The following CYYR1 variants were observed in gnomAD, a reference collection of about 807,000 sequenced individuals.
The protein encoded by CYYR1 is cysteine and tyrosine rich 1, also known as cysteine and tyrosine-rich protein 1.
In CYYR1, 14 loss-of-function variants were observed where a neutral mutation model predicts 15.2. The observed-to-expected ratio is 0.92, with a 90% confidence interval of 0.61 to 1.44. The LOEUF (loss-of-function observed/expected upper bound fraction) is 1.44, where lower values mean the gene tolerates loss of function less well. CYYR1 is among the 40% of genes most tolerant of loss of function. The pLI is 0.00. For missense variants in CYYR1, 228 were observed against 209.5 expected, an observed-to-expected ratio of 1.09 and a Z score of -0.54; for synonymous variants, 80 against 77.4, an observed-to-expected ratio of 1.03 and a Z score of -0.18.
At chr21:26,560,126 AT>A (rs1980096988) in intron 2 of CYYR1, among the ~76,000 whole-genome samples, 1 of 152,062 alleles carries the variant, frequency 6.6e-6, no homozygotes, top group African/African-American at 2.4e-5. Context: ...ATCCCTTGTA[AT>A]TTTTACATGG....
intron 2 of CYYR1, among the ~76,000 whole-genome samples, chr21:26,528,709 G>T (rs2065895298): frequency 6.6e-6 from 1 of 152,076 alleles, no homozygotes; most frequent in African/African-American, 2.4e-5. Flanking sequence ...TAAAATGAGG[G>T]GAAAAGGGAA....
At chr21:26,506,262 G>A (rs117392392) in intron 2 of CYYR1, among the ~76,000 whole-genome samples, 2,126 of 152,138 alleles carry the variant, frequency 0.014, 17 homozygotes, top group Admixed American at 0.027. Flanking sequence ...AGGTCACCAC[G>A]CCTCTAGCCT....
intron 2 of CYYR1, among the ~76,000 whole-genome samples, chr21:26,515,629 T>C (rs1441873029): frequency 2.0e-5 from 3 of 152,164 alleles, no homozygotes; most frequent in African/African-American, 7.2e-5. Flanking sequence ...CCCTGATGTC[T>C]TTATTCAGAA....
chr21:26,473,668 C>G (rs1251993671), intron 3 of CYYR1, among the ~76,000 whole-genome samples: 2 of 152,154 alleles, frequency 1.3e-5, no homozygotes, highest in African/African-American at 4.8e-5. Flanking sequence ...CTCCTCTGAC[C>G]CTGTCTGTTT....
intron 2 of CYYR1, among the ~76,000 whole-genome samples, chr21:26,533,833 T>C (rs187537756): frequency 1.3e-5 from 2 of 152,304 alleles, no homozygotes; most frequent in Admixed American, 1.3e-4. Context: ...TAAAAGTGAA[T>C]GTTAGCAAAC....
intron 1 of CYYR1, among the ~76,000 whole-genome samples, chr21:26,566,804 T>C (rs1250112291): frequency 1.3e-5 from 2 of 151,566 alleles, no homozygotes; most frequent in African/African-American, 4.9e-5. Flanking sequence ...AGGTCAGGAG[T>C]CTGAGACCAG....
At chr21:26,532,276 G>A (rs2065941314) in intron 2 of CYYR1, among the ~76,000 whole-genome samples, 1 of 152,102 alleles carries the variant, frequency 6.6e-6, no homozygotes, top group Non-Finnish European at 1.5e-5. Flanking sequence ...CAGAAAAGGT[G>A]CCTATAGACA....
At chr21:26,514,101 C>T (rs1197510610) in intron 2 of CYYR1, among the ~76,000 whole-genome samples, 1 of 151,706 alleles carries the variant, frequency 6.6e-6, no homozygotes, top group Non-Finnish European at 1.5e-5. Flanking sequence ...AAGAAAGAAA[C>T]TACTATAGAG....
intron 2 of CYYR1, among the ~76,000 whole-genome samples, chr21:26,524,983 A>G (rs1182728987): frequency 6.6e-6 from 1 of 152,168 alleles, no homozygotes; most frequent in African/African-American, 2.4e-5. Flanking sequence ...AAGAGGCAAT[A>G]AATTGATTAC....
At position 26,480,326 on chromosome 21, in the gene CYYR1, T is replaced by C. The variant is rs2065158834; in HGVS notation, c.280A>G (p.Thr94Ala). 1 of 1,613,428 alleles carries C rather than the reference T, an allele frequency of 6.2e-7. No homozygotes were observed. Among genetic ancestry groups the C allele is most frequent in the Admixed American group, 1.7e-5 (1 of 59,924 alleles). ...GTCGTCCTGAGGATGCCCACGCGGG[T>C]CGCCCTGTGGTTCTTCATGCACATG... is the stretch of plus-strand genomic sequence containing the variant. ...ICMCMKNHRA[T>A]RVGILRTTHI... The change falls in exon 3 of 4, where the codon ACC becomes GCC. Residue 94 changes from threonine to alanine, a missense_variant. Coordinates refer to ENST00000652641, the MANE Select transcript of CYYR1 (RefSeq NM_001320768.2).
At chr21:26,528,450 G>T (rs974768689) in intron 2 of CYYR1, among the ~76,000 whole-genome samples, 24 of 152,052 alleles carry the variant, frequency 1.6e-4, no homozygotes, top group Admixed American at 1.1e-3. Flanking sequence ...GTTTAAAGGA[G>T]ACTGGCTCCT....
intron 2 of CYYR1, among the ~76,000 whole-genome samples, chr21:26,558,508 C>A (rs541242600): frequency 9.9e-5 from 15 of 152,132 alleles, no homozygotes; most frequent in African/African-American, 3.6e-4. Context: ...AGTTGAAGGC[C>A]ACTTCCCAAC....
At chr21:26,496,924 C>CAA (rs2065412725) in intron 2 of CYYR1, among the ~76,000 whole-genome samples, 1 of 151,994 alleles carries the variant, frequency 6.6e-6, no homozygotes, top group African/African-American at 2.4e-5. Context: ...AACTTTTATT[C>CAA]AAAAATTTTC....
chr21:26,540,103 T>C (rs1395128381), intron 2 of CYYR1, among the ~76,000 whole-genome samples: 1 of 152,208 alleles, frequency 6.6e-6, no homozygotes, highest in Non-Finnish European at 1.5e-5. Context: ...TTTAAGACAT[T>C]AGACTATGAG....
At chr21:26,556,765 G>T (rs891570136) in intron 2 of CYYR1, among the ~76,000 whole-genome samples, 3 of 152,058 alleles carry the variant, frequency 2.0e-5, no homozygotes, top group African/African-American at 7.2e-5. Context: ...CTTCCACCAG[G>T]CCCCTCCTAC....
chr21:26,534,074 A>G (rs2065965919), intron 2 of CYYR1, among the ~76,000 whole-genome samples: 1 of 152,140 alleles, frequency 6.6e-6, no homozygotes, highest in Admixed American at 6.5e-5. Context: ...AGTTTCAGCC[A>G]TTTGTCAACC....
intron 2 of CYYR1, among the ~76,000 whole-genome samples, chr21:26,520,917 C>A (rs1188279022): frequency 6.6e-6 from 1 of 152,164 alleles, no homozygotes; most frequent in Non-Finnish European, 1.5e-5. Context: ...TTATCCTCAG[C>A]AAACTGATGC....
At chr21:26,558,607 C>G (rs1219833642) in intron 2 of CYYR1, among the ~76,000 whole-genome samples, 1 of 152,224 alleles carries the variant, frequency 6.6e-6, no homozygotes, top group Non-Finnish European at 1.5e-5. Context: ...GGAAACTTCT[C>G]AGTCCTGGGC....
At chr21:26,564,003 C>A (rs561565174) in intron 2 of CYYR1, among the ~76,000 whole-genome samples, 3 of 152,120 alleles carry the variant, frequency 2.0e-5, no homozygotes, top group Non-Finnish European at 4.4e-5. Context: ...CAAGGGTTTA[C>A]CTTTCTGTTA....
Sources: allele counts gnomAD v4.1 joint callset (sites outside exome capture counted in the v4.1 genomes callset), GRCh38; gene constraint gnomAD v4.1.1; transcripts MANE v1.5; gene names NCBI Gene and HGNC (gene_info 2026-07-23, HGNC 2026-07-21).